Variants in AUTS2 observed in about 807,000 individuals in gnomAD.
AUTS2 encodes the protein activator of transcription and developmental regulator AUTS2.
A neutral mutation model predicts 112.4 loss-of-function variants in AUTS2; 17 were observed. The observed-to-expected ratio is 0.15, with a 90% CI of 0.10 to 0.23. The LOEUF (loss-of-function observed/expected upper bound fraction) is 0.23. AUTS2 is among the 10% of genes least tolerant of loss of function. AUTS2 has a pLI of 1.00. For synonymous variants in AUTS2, 751 were observed against 702.7 expected, an observed-to-expected ratio of 1.07 and a Z score of -1.09; for missense variants, 1,510 against 1,701.6, an observed-to-expected ratio of 0.89 and a Z score of 1.98.
chr7:70,609,035 A>G (rs1182796767), intron 5 of AUTS2, among the ~76,000 whole-genome samples: 3 of 152,234 alleles, frequency 2.0e-5, no homozygotes, highest in Admixed American at 1.3e-4. Context: ...GGATGATGAA[A>G]TTGAGCTAAT....
chr7:70,430,935 G>A (rs779574006), intron 4 of AUTS2, among the ~76,000 whole-genome samples: 1 of 147,536 alleles, frequency 6.8e-6, no homozygotes, highest in Non-Finnish European at 1.5e-5. Flanking sequence ...TCCCGGGTTC[G>A]CGCCATTCTC....
At chr7:70,295,237 ATCTG>A (rs1238281770) in intron 4 of AUTS2, among the ~76,000 whole-genome samples, 1 of 152,154 alleles carries the variant, frequency 6.6e-6, no homozygotes. Flanking sequence ...TTCAGCACCT[ATCTG>A]TCTATTAAGT....
chr7:70,051,280 G>C (rs529112128), intron 2 of AUTS2, among the ~76,000 whole-genome samples: 6 of 152,114 alleles, frequency 3.9e-5, no homozygotes, highest in Non-Finnish European at 7.4e-5. Context: ...TTTTGAGTGC[G>C]TTTGTCTCCT....
At chr7:70,785,430 C>T (rs1018315242) in intron 16 of AUTS2, 10 of 480,798 alleles carry the variant, frequency 2.1e-5, no homozygotes, top group Non-Finnish European at 3.7e-5. Context: ...AGGAGTTATT[C>T]TACATCTCAC....
chr7:70,395,772 G>A (rs1794053367), intron 4 of AUTS2, among the ~76,000 whole-genome samples: 2 of 152,110 alleles, frequency 1.3e-5, no homozygotes, highest in African/African-American at 4.8e-5. Context: ...GAAGAGTTGG[G>A]AATGTGTTCC....
chr7:70,679,728 G>A (rs1808107718), intron 5 of AUTS2, among the ~76,000 whole-genome samples: 1 of 152,284 alleles, frequency 6.6e-6, no homozygotes, highest in Non-Finnish European at 1.5e-5. Flanking sequence ...TCTCAATGTG[G>A]CCTGCACATT....
At position 69,820,574 on chromosome 7, in the gene AUTS2, A is replaced by G. The variant is rs180795582; in HGVS notation, c.310-78712A>G. ...AGGCACATAGAATTAAGGGCTTCCTATAGGGCACAGCGAAGGAGAGAATAA... is the reference window on the plus strand; with the variant it reads ...AGGCACATAGAATTAAGGGCTTCCTGTAGGGCACAGCGAAGGAGAGAATAA... On this transcript the variant is annotated intron_variant, in intron 1 of 18. Coordinates refer to ENST00000342771, the MANE Select transcript of AUTS2 (RefSeq NM_015570.4). 3.9e-5 allele frequency among the ~76,000 whole-genome samples: 6 copies of G among 152,254 alleles called. No homozygotes were observed. In the East Asian group the frequency reaches 9.6e-4, roughly 24 times the overall value.
intron 6 of AUTS2, among the ~76,000 whole-genome samples, chr7:70,756,099 T>G (rs1009398658): frequency 2.6e-5 from 4 of 152,202 alleles, no homozygotes; most frequent in Non-Finnish European, 5.9e-5. Context: ...AATGTTTATC[T>G]TTCCAGTCTC....
chr7:69,807,819 AAG>A (rs891421435), intron 1 of AUTS2, among the ~76,000 whole-genome samples: 6 of 152,136 alleles, frequency 3.9e-5, no homozygotes, highest in African/African-American at 7.2e-5. Flanking sequence ...TGACTGATTC[AAG>A]AGAGAGAAAA....
At chr7:70,674,033 A>C (rs1440568668) in intron 5 of AUTS2, among the ~76,000 whole-genome samples, 1 of 152,126 alleles carries the variant, frequency 6.6e-6, no homozygotes, top group African/African-American at 2.4e-5. Flanking sequence ...GGGGATCTGA[A>C]CCTGGTCTGC....
intron 1 of AUTS2, among the ~76,000 whole-genome samples, chr7:69,689,040 C>A (rs1414373596): frequency 6.6e-6 from 1 of 152,048 alleles, no homozygotes; most frequent in Non-Finnish European, 1.5e-5. Context: ...CAGATTTTGC[C>A]TTGGAGATTA....
intron 4 of AUTS2, among the ~76,000 whole-genome samples, chr7:70,280,303 G>A (rs574786523): frequency 1.6e-3 from 198 of 126,298 alleles, no homozygotes; most frequent in Non-Finnish European, 2.0e-3. Flanking sequence ...TTTTTTTTCC[G>A]AGACAGAGTC....
chr7:69,830,787 C>G (rs932543089), intron 1 of AUTS2, among the ~76,000 whole-genome samples: 1 of 152,180 alleles, frequency 6.6e-6, no homozygotes, highest in Non-Finnish European at 1.5e-5. Context: ...GATTGTAGAG[C>G]TCATAAACAA....
chr7:70,559,560 C>CTGA (rs1252045750), intron 5 of AUTS2, among the ~76,000 whole-genome samples: 1 of 152,148 alleles, frequency 6.6e-6, no homozygotes, highest in Non-Finnish European at 1.5e-5. Context: ...TGTCAAACTC[C>CTGA]TGACCTCAAG....
intron 1 of AUTS2, among the ~76,000 whole-genome samples, chr7:69,617,264 A>AT (rs1793430126): frequency 6.6e-6 from 1 of 152,176 alleles, no homozygotes; most frequent in South Asian, 2.1e-4. Flanking sequence ...TGCTTTCATT[A>AT]TGCATCGTGT....
At chr7:70,443,996 T>A (rs755221830) in intron 5 of AUTS2, among the ~76,000 whole-genome samples, 1 of 152,186 alleles carries the variant, frequency 6.6e-6, no homozygotes, top group Non-Finnish European at 1.5e-5. Context: ...CATGATTCTG[T>A]GTTCCCACAG....
At chr7:70,650,992 C>T (rs929880279) in intron 5 of AUTS2, among the ~76,000 whole-genome samples, 22 of 152,002 alleles carry the variant, frequency 1.4e-4, no homozygotes, top group African/African-American at 5.1e-4. Context: ...GGAGGAAGTC[C>T]GAATGGGATG....
chr7:69,735,917 T>G (rs945626673), intron 1 of AUTS2, among the ~76,000 whole-genome samples: 3 of 152,186 alleles, frequency 2.0e-5, no homozygotes, highest in African/African-American at 7.2e-5. Flanking sequence ...CTTTCTAACA[T>G]AAAAAGTCTG....
At chr7:70,385,320 C>T (rs1793560743) in intron 4 of AUTS2, among the ~76,000 whole-genome samples, 1 of 152,182 alleles carries the variant, frequency 6.6e-6, no homozygotes, top group African/African-American at 2.4e-5. Context: ...ACAAGGAGGT[C>T]ATTGTGGAGT....
Sources: gnomAD v4.1 joint callset for allele counts (sites outside exome capture counted in the v4.1 genomes callset) on GRCh38, gnomAD v4.1.1 for gene constraint, MANE v1.5 for transcripts, NCBI Gene and HGNC (gene_info 2026-07-23, HGNC 2026-07-21) for gene names.